The following PSEN1 variants were observed in gnomAD, a reference collection of about 807,000 sequenced individuals.
The protein encoded by PSEN1 is presenilin 1, also known as presenilin-1.
Under a neutral mutation model 53.5 loss-of-function variants are expected in PSEN1, and 15 were observed. That is an observed-to-expected ratio of 0.28 (90% CI 0.19 to 0.43). The LOEUF is 0.43. Ranked by LOEUF, PSEN1 falls within the 20% of genes least tolerant of loss-of-function variation. The probability of loss-of-function intolerance (pLI) is 1.00; values close to 1 mark genes in which losing one functional copy is unlikely to be tolerated. For missense variants in PSEN1, 387 were observed against 571.2 expected (o/e 0.68, Z 3.29); for synonymous variants, 208 against 209.8 (o/e 0.99, Z 0.08).
chr14:73,140,728 C>T (rs962125584), intron 1 of PSEN1, among the ~76,000 whole-genome samples: 2 of 152,190 alleles, frequency 1.3e-5, no homozygotes, highest in African/African-American at 4.8e-5. Flanking sequence ...CACATTTAGT[C>T]CTAAAAGTTA....
At chr14:73,202,463 T>TATATATATATATA (rs1491391826) in intron 8 of PSEN1, among the ~76,000 whole-genome samples, 6 of 10,256 alleles carry the variant, frequency 5.9e-4, no homozygotes, top group Non-Finnish European at 8.2e-4. Flanking sequence ...TATATATATA[T>TATATATATATATA]TTTTTTTTTT....
chr14:73,140,302 C>T (rs1250893311), intron 1 of PSEN1, among the ~76,000 whole-genome samples: 1 of 150,252 alleles, frequency 6.7e-6, no homozygotes, highest in Admixed American at 6.6e-5. Flanking sequence ...CGTCCGCCTC[C>T]CAGGTTCAAG....
chr14:73,181,842 C>T (rs1255907702), intron 5 of PSEN1, among the ~76,000 whole-genome samples: 2 of 152,038 alleles, frequency 1.3e-5, no homozygotes, highest in East Asian at 1.9e-4. Context: ...GGCACTGTCT[C>T]GGCTCACTGC....
chr14:73,183,812 G>A (rs1198838732), intron 5 of PSEN1, among the ~76,000 whole-genome samples: 1 of 151,110 alleles, frequency 6.6e-6, no homozygotes, highest in Admixed American at 6.6e-5. Flanking sequence ...GAGCTGTTGG[G>A]CACACCTCCC....
chr14:73,211,667 CA>C (rs1401583095), intron 9 of PSEN1, 101 bp from the exon 10 acceptor site: 13 of 1,283,906 alleles, frequency 1.0e-5, no homozygotes, highest in Non-Finnish European at 1.4e-5. Flanking sequence ...GTTTAAGGGC[CA>C]GCTAGTTACA....
At chr14:73,197,282 C>G (rs990539516) in intron 7 of PSEN1, among the ~76,000 whole-genome samples, 1 of 152,028 alleles carries the variant, frequency 6.6e-6, no homozygotes, top group Non-Finnish European at 1.5e-5. Context: ...TGCAGTTGAT[C>G]GAAAGAAATG....
intron 9 of PSEN1, among the ~76,000 whole-genome samples, chr14:73,209,093 G>A (rs779123784): frequency 6.6e-6 from 1 of 152,250 alleles, no homozygotes; most frequent in African/African-American, 2.4e-5. Context: ...ATCGGAGCCT[G>A]CAGACGCAAG....
At chr14:73,171,179 A>G in intron 4 of PSEN1, 132 bp downstream of exon 4, 1 of 1,099,140 alleles carries the variant, frequency 9.1e-7, no homozygotes, top group Non-Finnish European at 1.4e-6. Flanking sequence ...TGTGATGGTC[A>G]GGAGCAGTTG....
At chr14:73,188,630 C>A (rs901253705) in intron 6 of PSEN1, among the ~76,000 whole-genome samples, 3 of 152,144 alleles carry the variant, frequency 2.0e-5, no homozygotes, top group African/African-American at 7.2e-5. Flanking sequence ...CTGGGTGACT[C>A]AGTCTCTAAA....
At chr14:73,209,819 G>C (rs1195090482) in intron 9 of PSEN1, among the ~76,000 whole-genome samples, 2 of 152,206 alleles carry the variant, frequency 1.3e-5, no homozygotes, top group Non-Finnish European at 2.9e-5. Context: ...CAAGGGCTTT[G>C]AAATGAGAAG....
intron 6 of PSEN1, chr14:73,189,877 G>T: frequency 4.6e-6 from 1 of 218,036 alleles, no homozygotes. Context: ...CCTTTACCAT[G>T]TGTTGGTCTC....
intron 8 of PSEN1, 68 bp downstream of exon 8, chr14:73,198,197 A>AATGCACAGCATTCCTGGAACT: frequency 1.1e-6 from 1 of 911,750 alleles, no homozygotes; most frequent in Non-Finnish European, 1.8e-6. Flanking sequence ...AGCACATGTA[A>AATGCACAGCATTCCTGGAACT]CTATGGTCAT....
chr14:73,206,508 C>G, intron 9 of PSEN1, 36 bp downstream of exon 9: 2 of 1,429,922 alleles, frequency 1.4e-6, no homozygotes, highest in Non-Finnish European at 2.0e-6. Flanking sequence ...CTTGATTTTT[C>G]AGGGTCACTG....
intron 5 of PSEN1, among the ~76,000 whole-genome samples, chr14:73,175,691 T>C (rs941048739): frequency 6.6e-6 from 1 of 152,244 alleles, no homozygotes; most frequent in African/African-American, 2.4e-5. Context: ...ACTTCTCAAA[T>C]GTCCCTGATG....
At chr14:73,185,967 G>A (rs987083710) in intron 5 of PSEN1, among the ~76,000 whole-genome samples, 6 of 152,316 alleles carry the variant, frequency 3.9e-5, no homozygotes, top group Non-Finnish European at 5.9e-5. Flanking sequence ...TGATATATGG[G>A]TGTTCACTGT....
intron 3 of PSEN1, among the ~76,000 whole-genome samples, chr14:73,162,957 T>G (rs959170720): frequency 6.6e-6 from 1 of 152,240 alleles, no homozygotes; most frequent in Admixed American, 6.5e-5. Context: ...GTTTTACCTA[T>G]GTATTTATTT....
At chr14:73,161,331 T>C (rs1897530115) in intron 3 of PSEN1, among the ~76,000 whole-genome samples, 1 of 152,194 alleles carries the variant, frequency 6.6e-6, no homozygotes, top group African/African-American at 2.4e-5. Flanking sequence ...TGATGACTGC[T>C]TCCTGTGGTG....
intron 8 of PSEN1, among the ~76,000 whole-genome samples, chr14:73,200,215 A>G (rs768483219): frequency 6.6e-6 from 1 of 152,070 alleles, no homozygotes; most frequent in Non-Finnish European, 1.5e-5. Context: ...TTAGTTACAG[A>G]TCTGAATTTA....
intron 6 of PSEN1, among the ~76,000 whole-genome samples, chr14:73,191,756 C>T (rs1245837184): frequency 6.6e-6 from 1 of 152,030 alleles, no homozygotes; most frequent in African/African-American, 2.4e-5. Flanking sequence ...CTGTGTTGCC[C>T]AGGCTCGTCT....
Sources: gnomAD v4.1 joint callset for allele counts (sites outside exome capture counted in the v4.1 genomes callset) on GRCh38, gnomAD v4.1.1 for gene constraint, MANE v1.5 for transcripts, NCBI Gene and HGNC (gene_info 2026-07-23, HGNC 2026-07-21) for gene names.